PTPN5: variants seen among roughly 807,000 people sequenced by gnomAD.
PTPN5 encodes the protein tyrosine-protein phosphatase non-receptor type 5.
In PTPN5, 29 loss-of-function variants were observed where a neutral mutation model predicts 73.9. The observed-to-expected ratio is 0.39, with a 90% confidence interval of 0.29 to 0.54. PTPN5 has a LOEUF of 0.54. Ranked by LOEUF, PTPN5 falls within the 20% of genes least tolerant of loss-of-function variation. The pLI is 0.65. For synonymous variants in PTPN5, 267 were observed against 304.7 expected (o/e 0.88, Z 1.29); for missense variants, 652 against 751.4 (o/e 0.87, Z 1.55).
At chr11:18,746,156 AATATAAATATAT>A (rs1240617709) in intron 3 of PTPN5, among the ~76,000 whole-genome samples, 6 of 69,634 alleles carry the variant, frequency 8.6e-5, no homozygotes, top group African/African-American at 2.9e-4. Flanking sequence ...AGCTGTTATA[AATATAAATATAT>A]ATATATATAT....
At chr11:18,748,492 C>A (rs1202150785) in intron 3 of PTPN5, among the ~76,000 whole-genome samples, 1 of 152,182 alleles carries the variant, frequency 6.6e-6, no homozygotes, top group Non-Finnish European at 1.5e-5. Context: ...AGATGTACAT[C>A]TTTCAGAGCA....
At chr11:18,783,502 A>G (rs1180975433) in intron 1 of PTPN5, among the ~76,000 whole-genome samples, 3 of 152,206 alleles carry the variant, frequency 2.0e-5, no homozygotes, top group African/African-American at 7.2e-5. Flanking sequence ...TACAGAGCAC[A>G]GTTACTGCCT....
At chr11:18,738,803 C>T (rs1180256064) in intron 8 of PTPN5, among the ~76,000 whole-genome samples, 1 of 152,008 alleles carries the variant, frequency 6.6e-6, no homozygotes, top group Non-Finnish European at 1.5e-5. Flanking sequence ...GAAACCCCAT[C>T]TCTAATAAGA....
chr11:18,769,497 C>T (rs984736746), intron 2 of PTPN5, among the ~76,000 whole-genome samples: 7 of 152,086 alleles, frequency 4.6e-5, no homozygotes, highest in Non-Finnish European at 7.4e-5. Flanking sequence ...TCTACCTCCC[C>T]GGTTCAAGTG....
rs893826803 is a variant in PTPN5 at position 18,764,717 on chromosome 11, G to C, written c.97+1090C>G. On this transcript the variant is annotated intron_variant, in intron 3 of 14. Transcript: ENST00000358540. ...ACTTGTCTTTGTTTTGTTTTGTTTTGTTTTGTTTTTTTGGAGACGGAGTCT... is the reference window on the plus strand; with the variant it reads ...ACTTGTCTTTGTTTTGTTTTGTTTTCTTTTGTTTTTTTGGAGACGGAGTCT... Among the ~76,000 whole-genome samples the C allele has an allele frequency of 2.0e-5, 3 of 150,894 alleles. No individual in the cohort carries two copies. The East Asian group carries it at 5.8e-4, about 29-fold the overall frequency.
chr11:18,728,900 G>A lies in PTPN5; in HGVS notation c.*34C>T. The A allele has an allele frequency of 1.3e-6, 2 of 1,599,302 alleles. No individual in the cohort carries two copies. Among genetic ancestry groups the A allele is most frequent in the Non-Finnish European group, 1.7e-6 (2 of 1,172,472 alleles). ...GGGTGAGGGCCGAGACTCAGGCTGG[G>A]CAGTGCCCAGAGAACCTTGTAGGAG... On this transcript the variant is annotated 3_prime_UTR_variant, in exon 15 of 15. Transcript: ENST00000358540. The surrounding 1 kb of genome is among the most constrained non-coding windows in gnomAD (Gnocchi z 4.1).
intron 12 of PTPN5, chr11:18,730,220 C>T (rs190049840): frequency 8.0e-5 from 31 of 386,826 alleles, no homozygotes; most frequent in African/African-American, 4.1e-4. Context: ...CCTGCGCCTG[C>T]GTGACTCGCC....
chr11:18,746,162 AATATATATATATATATATAT>A (rs773490900), intron 3 of PTPN5, among the ~76,000 whole-genome samples: 4 of 67,638 alleles, frequency 5.9e-5, no homozygotes, highest in African/African-American at 1.3e-4. Context: ...TATAAATATA[AATATATATATATATATATAT>A]ATATATATAT....
In PTPN5 at chr11:18,729,971, A is replaced by G; in HGVS notation, c.1330-153T>C. 1.0e-6 allele frequency: 1 copy of G among 999,206 alleles called. No homozygotes were observed. The highest frequency in any genetic ancestry group is 1.5e-6 in the Non-Finnish European group (1 of 660,784). The allele number at this position is 999,206 out of a possible 1,614,324, so 61.9% of individuals were successfully genotyped here. ...CCCTTCCATCTAGGCCACATTGCCCAGTGGCACCAGACACAGACCCAAAGC... is the reference window on the plus strand; with the variant it reads ...CCCTTCCATCTAGGCCACATTGCCCGGTGGCACCAGACACAGACCCAAAGC... On this transcript the variant is annotated intron_variant, in intron 12 of 14. Transcript: ENST00000358540. This position sits in a 1 kb window ranked among gnomAD's most constrained non-coding sequence, Gnocchi z 5.2.
At chr11:18,773,837 A>G (rs1326456943) in intron 1 of PTPN5, among the ~76,000 whole-genome samples, 1 of 152,136 alleles carries the variant, frequency 6.6e-6, no homozygotes, top group East Asian at 1.9e-4. Context: ...CTAGCCTGGG[A>G]CTGCAGCTGG....
At chr11:18,754,314 C>T (rs4757713) in intron 3 of PTPN5, among the ~76,000 whole-genome samples, 100,758 of 152,016 alleles carry the variant, frequency 0.66, 34,173 homozygotes, top group Middle Eastern at 0.86. Flanking sequence ...CCCTGGCTGT[C>T]TGGGAATCAA....
chr11:18,775,988 G>A (rs1255163283), intron 1 of PTPN5, among the ~76,000 whole-genome samples: 1 of 152,162 alleles, frequency 6.6e-6, no homozygotes, highest in Non-Finnish European at 1.5e-5. Context: ...GCTGTGGATG[G>A]TCCTACCTGA....
intron 8 of PTPN5, among the ~76,000 whole-genome samples, chr11:18,738,320 G>T (rs1849208835): frequency 6.6e-6 from 1 of 152,104 alleles, no homozygotes; most frequent in African/African-American, 2.4e-5. Context: ...CCCTATCTCG[G>T]GACCTAGGTT....
chr11:18,749,534 T>C, intron 3 of PTPN5: 1 of 518,274 alleles, frequency 1.9e-6, no homozygotes, highest in Non-Finnish European at 3.9e-6. Context: ...GGGGCCACGG[T>C]GCAGATTTTG....
At position 18,742,541 on chromosome 11, in the gene PTPN5, G is replaced by A. The variant is rs746127993; in HGVS notation, c.484-38C>T. The A allele has an allele frequency of 1.9e-5, 31 of 1,603,570 alleles. No individual in the cohort carries two copies. The Admixed American group carries it at 2.3e-4, about 12-fold the overall frequency. ...TACAGCATCACAGATTTCGGACCAC[G>A]CTGGCTGCCCCCCGTGTTCCTGGAG... On this transcript the variant is annotated intron_variant, in intron 6 of 14. Coordinates refer to ENST00000358540, the MANE Select transcript of PTPN5 (RefSeq NM_006906.2). This position sits in a 1 kb window ranked among gnomAD's most constrained non-coding sequence, Gnocchi z 4.1.
chr11:18,768,818 T>A lies in PTPN5; in HGVS notation c.21-2935A>T, dbSNP rs540873015. 3.2e-4 allele frequency among the ~76,000 whole-genome samples: 49 copies of A among 152,044 alleles called. 1 individual carries two copies. The highest frequency in any genetic ancestry group is 4.1e-4 in the Non-Finnish European group (28 of 67,986). ...GGTTTAATTAGCTTTCCAAAGAAAA[T>A]ACATGGCCCATTCAGGCTGGATGGG... On this transcript the variant is annotated intron_variant, in intron 2 of 14. Coordinates refer to ENST00000358540, the MANE Select transcript of PTPN5 (RefSeq NM_006906.2).
intron 2 of PTPN5, among the ~76,000 whole-genome samples, chr11:18,770,780 G>A (rs1850850958): frequency 6.6e-6 from 1 of 152,216 alleles, no homozygotes; most frequent in Admixed American, 6.5e-5. Flanking sequence ...AATGCGTTGT[G>A]CAGCTACGCC....
At chr11:18,731,942 C>A (rs1487843881) in intron 12 of PTPN5, among the ~76,000 whole-genome samples, 1 of 152,188 alleles carries the variant, frequency 6.6e-6, no homozygotes, top group Non-Finnish European at 1.5e-5. Context: ...TTCTCACAAA[C>A]AGAATCCACT....
intron 3 of PTPN5, among the ~76,000 whole-genome samples, chr11:18,764,451 G>C (rs893774220): frequency 1.3e-5 from 2 of 152,168 alleles, no homozygotes; most frequent in African/African-American, 4.8e-5. Flanking sequence ...TTGAGCAATG[G>C]CACCCCCTAC....
Sources: gnomAD v4.1 joint callset for allele counts (sites outside exome capture counted in the v4.1 genomes callset) on GRCh38, gnomAD v4.1.1 for gene constraint, Gnocchi (gnomAD v3.1) non-coding constraint, MANE v1.5 for transcripts, NCBI Gene and HGNC (gene_info 2026-07-23, HGNC 2026-07-21) for gene names.